The following MAPRE2 variants were observed in gnomAD, a reference collection of about 807,000 sequenced individuals.
MAPRE2 encodes the protein microtubule associated protein RP/EB family member 2.
MAPRE2 carries 13 observed loss-of-function variants against 43.2 expected under a neutral mutation model. The observed-to-expected ratio is 0.30, with a 90% confidence interval of 0.20 to 0.48. MAPRE2 has a LOEUF of 0.48. MAPRE2 is among the 20% of genes least tolerant of loss of function. MAPRE2 has a pLI of 0.99. For synonymous variants in MAPRE2, 135 were observed against 148.8 expected (o/e 0.91, Z 0.68); for missense variants, 161 against 400.2 (o/e 0.40, Z 5.10).
intron 4 of MAPRE2, among the ~76,000 whole-genome samples, chr18:35,126,057 C>T (rs1386568810): frequency 6.6e-6 from 1 of 152,166 alleles, no homozygotes; most frequent in Non-Finnish European, 1.5e-5. Context: ...TTTCTAGTTC[C>T]AGCATTTCTT....
intron 2 of MAPRE2, among the ~76,000 whole-genome samples, chr18:35,028,252 C>T (rs896107252): frequency 6.6e-6 from 1 of 152,102 alleles, no homozygotes; most frequent in African/African-American, 2.4e-5. Flanking sequence ...AAGGCAGGAA[C>T]CTAGGTTTAT....
At chr18:35,125,939 T>C (rs1909884783) in intron 4 of MAPRE2, among the ~76,000 whole-genome samples, 1 of 152,214 alleles carries the variant, frequency 6.6e-6, no homozygotes, top group African/African-American at 2.4e-5. Context: ...GAGTAACACA[T>C]GTAAATATCT....
At chr18:34,983,511 A>C (rs1005031630) in intron 1 of MAPRE2, among the ~76,000 whole-genome samples, 9 of 152,218 alleles carry the variant, frequency 5.9e-5, no homozygotes, top group Non-Finnish European at 1.2e-4. Flanking sequence ...TGAAGACATA[A>C]TTTGGAAATT....
At chr18:35,109,365 T>C (rs1263306370) in intron 4 of MAPRE2, among the ~76,000 whole-genome samples, 1 of 152,230 alleles carries the variant, frequency 6.6e-6, no homozygotes, top group Non-Finnish European at 1.5e-5. Context: ...TGTAGCCTTG[T>C]AGTATAGTTT....
At chr18:35,050,344 G>C (rs1223014239) in intron 1 of MAPRE2, among the ~76,000 whole-genome samples, 4 of 152,172 alleles carry the variant, frequency 2.6e-5, no homozygotes, top group Non-Finnish European at 5.9e-5. Flanking sequence ...TGACAGTAAA[G>C]ATTTGCCTAA....
At chr18:34,998,134 C>T (rs2097027430) in intron 1 of MAPRE2, among the ~76,000 whole-genome samples, 1 of 151,940 alleles carries the variant, frequency 6.6e-6, no homozygotes, top group South Asian at 2.1e-4. Flanking sequence ...GGCCCCCAAA[C>T]CTTTTGAAAG....
intron 1 of MAPRE2, among the ~76,000 whole-genome samples, chr18:35,001,089 G>T (rs1372586542): frequency 6.6e-6 from 1 of 152,158 alleles, no homozygotes; most frequent in Non-Finnish European, 1.5e-5. Flanking sequence ...GGGCATCACT[G>T]CAAGACCCCA....
chr18:34,985,853 G>T (rs971878265), intron 1 of MAPRE2, among the ~76,000 whole-genome samples: 1 of 148,634 alleles, frequency 6.7e-6, no homozygotes, highest in Non-Finnish European at 1.5e-5. Context: ...GTATCTTCCA[G>T]GTATGAAATA....
intron 1 of MAPRE2, among the ~76,000 whole-genome samples, chr18:34,984,859 A>AAATATATAATATATTTTATGTTATAT (rs1555909422): frequency 3.2e-5 from 3 of 92,636 alleles, no homozygotes; most frequent in Admixed American, 1.6e-4. Flanking sequence ...ATAACATATA[A>AAATATATAATATATTTTATGTTATAT]AATATATAAT....
chr18:35,094,525 G>A (rs1908311193), intron 2 of MAPRE2, among the ~76,000 whole-genome samples: 1 of 152,154 alleles, frequency 6.6e-6, no homozygotes, highest in Admixed American at 6.5e-5. Flanking sequence ...TAAAAATAGT[G>A]CTTCTCATTG....
rs775322904 is a variant in MAPRE2 at position 35,127,162 on chromosome 18, G to GA, written c.750+76dup. 4.0e-6 allele frequency: 6 copies of GA among 1,496,002 alleles called. No individual in the cohort carries two copies. In the Admixed American group the frequency reaches 1.0e-4, roughly 26 times the overall value. 92.7% of individuals were successfully genotyped at this position (1,496,002 alleles called of 1,614,324 possible). ...AGGTAGGGGGCCTAGGATCCCCTAG[G>GA]ACTGGGGTAAGGGAGGGAAGGGTAA... On this transcript the variant is annotated intron_variant, in intron 5 of 6. Coordinates refer to ENST00000300249, the MANE Select transcript of MAPRE2 (RefSeq NM_014268.4).
chr18:35,099,668 C>T (rs1031059328), intron 3 of MAPRE2, among the ~76,000 whole-genome samples: 1 of 152,146 alleles, frequency 6.6e-6, no homozygotes, highest in Non-Finnish European at 1.5e-5. Context: ...GGCAGGAATT[C>T]TTCCTTGTAA....
At chr18:35,064,618 G>C (rs1348844884) in intron 1 of MAPRE2, among the ~76,000 whole-genome samples, 1 of 152,168 alleles carries the variant, frequency 6.6e-6, no homozygotes, top group Non-Finnish European at 1.5e-5. Context: ...GTATTTTGTA[G>C]TTAAGCTTTA....
chr18:35,102,446 T>TTTA (rs1166913362), intron 4 of MAPRE2, among the ~76,000 whole-genome samples: 1 of 152,238 alleles, frequency 6.6e-6, no homozygotes, highest in Non-Finnish European at 1.5e-5. Flanking sequence ...TTTTTCCTTT[T>TTTA]AGTTTTTCGA....
At chr18:35,063,299 G>T (rs1270263834) in intron 1 of MAPRE2, among the ~76,000 whole-genome samples, 1 of 151,908 alleles carries the variant, frequency 6.6e-6, no homozygotes, top group Non-Finnish European at 1.5e-5. Context: ...AGTAGAGATG[G>T]GGTTTCACCG....
chr18:35,002,668 T>C (rs1471512598), intron 1 of MAPRE2, among the ~76,000 whole-genome samples: 3 of 152,210 alleles, frequency 2.0e-5, no homozygotes, highest in African/African-American at 7.2e-5. Context: ...CTAATAATGT[T>C]GTATACCATT....
At chr18:34,979,618 T>C (rs997182614) in intron 1 of MAPRE2, among the ~76,000 whole-genome samples, 1 of 151,974 alleles carries the variant, frequency 6.6e-6, no homozygotes, top group Non-Finnish European at 1.5e-5. Flanking sequence ...CTGGTTTGGG[T>C]TATTTCAGTT....
At chr18:34,978,625 G>A in intron 1 of MAPRE2, 2 of 1,217,414 alleles carry the variant, frequency 1.6e-6, no homozygotes, top group African/African-American at 1.5e-5. Flanking sequence ...AAGGGGTATG[G>A]CTCTTGGTTA....
chr18:35,119,365 C>G (rs1909568046), intron 4 of MAPRE2, among the ~76,000 whole-genome samples: 1 of 152,146 alleles, frequency 6.6e-6, no homozygotes, highest in Non-Finnish European at 1.5e-5. Flanking sequence ...GTCTACCCAA[C>G]CCTGCTCTGC....
Sources: gnomAD v4.1 joint callset for allele counts (sites outside exome capture counted in the v4.1 genomes callset) on GRCh38, gnomAD v4.1.1 for gene constraint, MANE v1.5 for transcripts, NCBI Gene and HGNC (gene_info 2026-07-23, HGNC 2026-07-21) for gene names.